The following GOLIM4 variants were observed in gnomAD, a reference collection of about 807,000 sequenced individuals.
GOLIM4 encodes the protein 130 kDa golgi-localized phosphoprotein.
A neutral mutation model predicts 107.4 loss-of-function variants in GOLIM4; 71 were observed. The ratio of observed to expected loss-of-function variants is 0.66; its 90% CI spans 0.55 to 0.81. The LOEUF (loss-of-function observed/expected upper bound fraction) is 0.81. GOLIM4 is among the 30% of genes least tolerant of loss of function. The probability of loss-of-function intolerance (pLI) is 0.00; values close to 1 mark genes in which losing one functional copy is unlikely to be tolerated. For synonymous variants in GOLIM4, 327 were observed against 294.8 expected (o/e 1.11, Z -1.12); for missense variants, 830 against 826.1 (o/e 1.00, Z -0.06).
In GOLIM4 at chr3:168,041,412, T is replaced by C. The variant is rs1161205348; in HGVS notation, c.580A>G (p.Thr194Ala). ...TTTACCTTGACATCTTGAAGCTGTG[T>C]ATGTATGTCTTGGTGTGCTTTCCTT... ...QLRKAHQDIH[T>A]QLQDVKQQHK... The change falls in exon 6 of 16, where the codon ACA becomes GCA. Residue 194 changes from threonine (T) to alanine (A), a missense_variant. Thr to Ala is a moderately conservative substitution (Grantham distance 58). Coordinates refer to ENST00000470487, the MANE Select transcript of GOLIM4 (RefSeq NM_014498.5). The C allele has an allele frequency of 2.5e-6, 4 of 1,585,196 alleles. No individual in the cohort carries two copies. The African/African-American group carries it at 5.4e-5, about 21-fold the overall frequency.
At chr3:168,061,444 C>T (rs1457861737) in intron 1 of GOLIM4, among the ~76,000 whole-genome samples, 1 of 152,144 alleles carries the variant, frequency 6.6e-6, no homozygotes, top group Non-Finnish European at 1.5e-5. Context: ...TATCCTAAGA[C>T]CTATAAATCC....
chr3:168,040,689 A>C lies in GOLIM4; in HGVS notation c.684+97T>G. The C allele has an allele frequency of 4.2e-6, 3 of 716,458 alleles. No homozygotes were observed. In the East Asian group the frequency reaches 7.6e-5, roughly 18 times the overall value. 44.4% of individuals were successfully genotyped at this position (716,458 alleles called of 1,614,324 possible). A position where few individuals can be genotyped will look rare whatever the true frequency, so the allele number is the denominator to read the frequency against. On this transcript the variant is annotated intron_variant, in intron 7 of 15. Transcript: ENST00000470487. ...AGGATAGCTCTGTCCTAAGGAACTC[A>C]CTGAAGATTGGCTTGTAAGAGACTA...
chr3:168,015,517 C>A (rs1717313527), intron 14 of GOLIM4, among the ~76,000 whole-genome samples: 1 of 136,522 alleles, frequency 7.3e-6, no homozygotes, highest in African/African-American at 3.6e-5. Context: ...CAATGCCTTT[C>A]TTCACAGAAT....
intron 1 of GOLIM4, among the ~76,000 whole-genome samples, chr3:168,069,137 C>T (rs1577561820): frequency 6.6e-6 from 1 of 152,132 alleles, no homozygotes; most frequent in East Asian, 1.9e-4. Context: ...CCGGCCTGCA[C>T]TTTTAAAATT....
At chr3:168,075,277 C>T (rs1486793825) in intron 1 of GOLIM4, among the ~76,000 whole-genome samples, 2 of 142,486 alleles carry the variant, frequency 1.4e-5, no homozygotes, top group South Asian at 2.2e-4. Context: ...AATTGGCGGA[C>T]ATTCACTAGT....
At chr3:168,069,832 G>A (rs780823825) in intron 1 of GOLIM4, among the ~76,000 whole-genome samples, 30 of 152,104 alleles carry the variant, frequency 2.0e-4, no homozygotes, top group African/African-American at 5.3e-4. Context: ...TCTTAAAAGC[G>A]GATCATTAGT....
At position 168,048,321 on chromosome 3, in the gene GOLIM4, C is replaced by G. The variant is rs780432781; in HGVS notation, c.232G>C (p.Glu78Gln). 6.5e-6 allele frequency: 10 copies of G among 1,536,442 alleles called. No individual in the cohort carries two copies. The South Asian group carries it at 1.0e-4, about 16-fold the overall frequency. Residue 78 changes from glutamate to glutamine, a missense_variant, in exon 2 of 16, where the codon GAA (glutamate) becomes CAA (glutamine). Coordinates refer to ENST00000470487, the MANE Select transcript of GOLIM4 (RefSeq NM_014498.5). ...RSRLEKSLQK[E>Q]RLEHKKAKED... is the part of the protein sequence containing the mutation. ...TTTGCTTTTTTATGTTCAAGTCTTTCTTTTTGCAAGGATTTCTCTAATCTT... is the reference window on the plus strand; with the variant it reads ...TTTGCTTTTTTATGTTCAAGTCTTTGTTTTTGCAAGGATTTCTCTAATCTT...
chr3:168,031,282 C>T (rs927096878), intron 9 of GOLIM4, among the ~76,000 whole-genome samples: 1 of 151,932 alleles, frequency 6.6e-6, no homozygotes, highest in Non-Finnish European at 1.5e-5. Flanking sequence ...AGGGTGACTA[C>T]GATTAACAAT....
At chr3:168,019,106 T>C (rs1335695679) in intron 14 of GOLIM4, among the ~76,000 whole-genome samples, 1 of 152,152 alleles carries the variant, frequency 6.6e-6, no homozygotes, top group Admixed American at 6.6e-5. Flanking sequence ...TCCTAACATA[T>C]ACTATGGAGT....
intron 9 of GOLIM4, among the ~76,000 whole-genome samples, 172 bp downstream of exon 9, chr3:168,032,348 C>T (rs1017255541): frequency 2.6e-5 from 4 of 152,106 alleles, no homozygotes; most frequent in East Asian, 1.9e-4. Context: ...CTGAGGTATG[C>T]GAATAGCTAT....
At chr3:168,058,891 A>G (rs1316461430) in intron 1 of GOLIM4, among the ~76,000 whole-genome samples, 1 of 152,220 alleles carries the variant, frequency 6.6e-6, no homozygotes, top group African/African-American at 2.4e-5. Flanking sequence ...GAACCTGTAT[A>G]GTACTATTCC....
At chr3:168,090,199 T>A (rs963342562) in intron 1 of GOLIM4, among the ~76,000 whole-genome samples, 2 of 151,716 alleles carry the variant, frequency 1.3e-5, no homozygotes, top group Non-Finnish European at 2.9e-5. Context: ...AACACTTAAA[T>A]AACAAATGTC....
At chr3:168,027,201 C>A (rs1003762689) in intron 12 of GOLIM4, among the ~76,000 whole-genome samples, 6 of 152,136 alleles carry the variant, frequency 3.9e-5, no homozygotes, top group Non-Finnish European at 7.4e-5. Context: ...CCATTGCATA[C>A]CTGAACAACT....
intron 1 of GOLIM4, among the ~76,000 whole-genome samples, chr3:168,055,287 A>G (rs1719881020): frequency 6.6e-6 from 1 of 152,140 alleles, no homozygotes; most frequent in South Asian, 2.1e-4. Flanking sequence ...CTTTAAGCAA[A>G]ATGCTGATAA....
chr3:168,095,252 G>C lies in GOLIM4; in HGVS notation c.34C>G (p.Arg12Gly). The change falls in exon 1 of 16, where the codon CGG (arginine) becomes GGG (glycine). Residue 12 changes from arginine to glycine, a missense_variant. By Grantham distance (125) the Arg-to-Gly change is moderately radical. Coordinates refer to ENST00000470487, the MANE Select transcript of GOLIM4 (RefSeq NM_014498.5). The stretch of plus-strand genomic sequence containing the variant: ...AGCAGCAGCAGCGTCTGGAAAATCC[G>C]CTTCTGCTTTCGGGAGCACATCCCG... Reference protein sequence around the residue: ...GNGMCSRKQKRIFQTLLLLTV... With the variant: ...GNGMCSRKQKGIFQTLLLLTV... 1 of 1,613,436 alleles carries C rather than the reference G, an allele frequency of 6.2e-7. No homozygotes were observed.
At chr3:168,011,335 C>A (rs558449407) in intron 14 of GOLIM4, among the ~76,000 whole-genome samples, 3 of 152,168 alleles carry the variant, frequency 2.0e-5, no homozygotes, top group Non-Finnish European at 2.9e-5. Flanking sequence ...GCTTTTCCGA[C>A]GGGATTAAAA....
intron 1 of GOLIM4, among the ~76,000 whole-genome samples, chr3:168,070,399 AAAAC>A (rs902124573): frequency 2.6e-5 from 4 of 152,204 alleles, no homozygotes; most frequent in African/African-American, 7.2e-5. Context: ...TCTCAAAAAC[AAAAC>A]AAACAAACAA....
chr3:168,073,172 T>G (rs1442222827), intron 1 of GOLIM4, among the ~76,000 whole-genome samples: 1 of 152,210 alleles, frequency 6.6e-6, no homozygotes, highest in African/African-American at 2.4e-5. Context: ...AGTTTCACAC[T>G]TCCCCAGCCT....
rs374374393 is a variant in GOLIM4 at position 168,075,286 on chromosome 3, G to GTTTT, written c.187+19809_187+19812dup. On this transcript the variant is annotated intron_variant, in intron 1 of 15. Coordinates refer to ENST00000470487, the MANE Select transcript of GOLIM4 (RefSeq NM_014498.5). ...ACTGGTAATTGGCGGACATTCACTA[G>GTTTT]TTTTTTTTTTTTTTTTTTTTTTTTT... is the stretch of plus-strand genomic sequence containing the variant. Among the ~76,000 whole-genome samples, 51 of 94,226 alleles carry GTTTT rather than the reference G, an allele frequency of 5.4e-4. 5 individuals carry two copies. Among genetic ancestry groups the GTTTT allele is most frequent in the African/African-American group, 9.5e-4 (22 of 23,280 alleles). The allele number at this position is 94,226 out of a possible 152,430, so 61.8% of individuals were successfully genotyped here. A position where few individuals can be genotyped will look rare whatever the true frequency, so the allele number is the denominator to read the frequency against.
Sources: gnomAD v4.1 joint callset for allele counts (sites outside exome capture counted in the v4.1 genomes callset) on GRCh38, gnomAD v4.1.1 for gene constraint, MANE v1.5 for transcripts, NCBI Gene and HGNC (gene_info 2026-07-23, HGNC 2026-07-21) for gene names.